LYST: variants seen among roughly 807,000 people sequenced by gnomAD.
LYST encodes lysosomal-trafficking regulator.
Under a neutral mutation model 413.6 loss-of-function variants are expected in LYST, and 192 were observed. The observed-to-expected ratio is 0.46, with a 90% CI of 0.41 to 0.52. The LOEUF (loss-of-function observed/expected upper bound fraction) is 0.52. LYST is among the 20% of genes least tolerant of loss of function. The pLI, the probability that LYST is intolerant of heterozygous loss-of-function variation, is 0.00. For missense variants in LYST, 3,815 were observed against 4,499.9 expected, an observed-to-expected ratio of 0.85 and a Z score of 4.35; for synonymous variants, 1,525 against 1,567.3, an observed-to-expected ratio of 0.97 and a Z score of 0.64.
chr1:235,844,239 A>G (rs1677535251), intron 1 of LYST, among the ~76,000 whole-genome samples: 1 of 147,650 alleles, frequency 6.8e-6, no homozygotes, highest in African/African-American at 2.6e-5. Context: ...TTTACAACAC[A>G]TCAGTAAAAA....
intron 7 of LYST, among the ~76,000 whole-genome samples, chr1:235,804,173 T>A (rs1672554342): frequency 6.6e-6 from 1 of 152,174 alleles, no homozygotes; most frequent in Non-Finnish European, 1.5e-5. Flanking sequence ...CATCCCTGAA[T>A]TAGCATTTAA....
In LYST at chr1:235,783,048, T is replaced by A. The variant is rs142174951; in HGVS notation, c.4863-961A>T. ...AAGCAGGGAGGACTTCATCAACTAG[T>A]GAAACCACAGAGCTCTACCCCTAAT... On this transcript the variant is annotated intron_variant, in intron 14 of 52. Transcript: ENST00000389793. Among the ~76,000 whole-genome samples, 1,132 of 152,030 alleles carry A rather than the reference T, an allele frequency of 7.4e-3. 11 individuals carry two copies. The highest frequency in any genetic ancestry group is 8.5e-3 in the Non-Finnish European group (575 of 67,972).
chr1:235,741,922 T>C (rs542585236), intron 30 of LYST, among the ~76,000 whole-genome samples: 18 of 152,332 alleles, frequency 1.2e-4, no homozygotes, highest in African/African-American at 4.3e-4. Context: ...GGAATATTAT[T>C]CATCCTTAAA....
At chr1:235,712,918 A>G (rs1662520565) in intron 42 of LYST, 7 of 985,378 alleles carry the variant, frequency 7.1e-6, no homozygotes, top group East Asian at 1.1e-4. Flanking sequence ...AGAATATTAA[A>G]TGATATCCAA....
chr1:235,831,250 C>T (rs1387662749), intron 2 of LYST, among the ~76,000 whole-genome samples: 1 of 152,188 alleles, frequency 6.6e-6, no homozygotes, highest in Admixed American at 6.5e-5. Flanking sequence ...CCCACAGTCC[C>T]TGCTGAGAGG....
chr1:235,867,289 C>A (rs930393759), upstream of LYST, among the ~76,000 whole-genome samples: 5 of 152,198 alleles, frequency 3.3e-5, no homozygotes, highest in Non-Finnish European at 5.9e-5. Context: ...AACACAAGCG[C>A]ATCGTCCGCC....
In LYST at chr1:235,791,846, A is replaced by G. The variant is rs1359011791; in HGVS notation, c.4396T>C (p.Trp1466Arg). 1.9e-6 allele frequency: 3 copies of G among 1,614,208 alleles called. No individual in the cohort carries two copies. Among genetic ancestry groups the G allele is most frequent in the Non-Finnish European group, 2.5e-6 (3 of 1,180,018 alleles). Residue 1466 changes from tryptophan to arginine, a missense_variant, in exon 12 of 53, where the codon TGG (tryptophan) becomes CGG (arginine). Physicochemically the swap from Trp to Arg is moderately radical, Grantham distance 101. Transcript: ENST00000389793. ...VHLPLLGQNCWPHLSEGFSVS... is the reference protein window; with the variant it reads ...VHLPLLGQNCRPHLSEGFSVS... ...CTGAAACCTTCTGATAGGTGTGGCC[A>G]GCAGTTTTGCCCCAGCAACGGCAGG...
chr1:235,801,514 T>C (rs1672225914), intron 8 of LYST, among the ~76,000 whole-genome samples: 1 of 152,136 alleles, frequency 6.6e-6, no homozygotes, highest in East Asian at 1.9e-4. Flanking sequence ...GAATGATCAA[T>C]TTTGCCTTCT....
chr1:235,666,694 C>G (rs1658517047), intron 50 of LYST, among the ~76,000 whole-genome samples: 1 of 151,690 alleles, frequency 6.6e-6, no homozygotes, highest in African/African-American at 2.4e-5. Flanking sequence ...CTAAATATAG[C>G]ATCAAGATGC....
At chr1:235,857,784 C>CACACACACATATAT (rs145820873) in intron 1 of LYST, among the ~76,000 whole-genome samples, 1 of 122,044 alleles carries the variant, frequency 8.2e-6, no homozygotes, top group African/African-American at 3.2e-5. Flanking sequence ...CACACACACA[C>CACACACACATATAT]ATATATATAT....
intron 31 of LYST, chr1:235,738,483 G>A: frequency 1.2e-6 from 2 of 1,612,248 alleles, no homozygotes; most frequent in Admixed American, 1.7e-5. Context: ...TATTGGAAGT[G>A]GTTGCAATCT....
chr1:235,756,023 ATC>A (rs1667013364), intron 24 of LYST, among the ~76,000 whole-genome samples: 1 of 117,874 alleles, frequency 8.5e-6, no homozygotes, highest in African/African-American at 3.1e-5. Flanking sequence ...CTATATCTAT[ATC>A]TATATCTATA....
intron 2 of LYST, among the ~76,000 whole-genome samples, chr1:235,830,849 C>T (rs957601170): frequency 2.0e-5 from 3 of 152,148 alleles, no homozygotes; most frequent in Admixed American, 2.0e-4. Context: ...ACTGACCCAT[C>T]CTCCCCAAAC....
chr1:235,781,540 G>A (rs1338435499), intron 15 of LYST, among the ~76,000 whole-genome samples: 2 of 150,938 alleles, frequency 1.3e-5, no homozygotes, highest in African/African-American at 4.9e-5. Flanking sequence ...ATTTGTATAA[G>A]ATATAATAAA....
At chr1:235,792,543 G>T (rs947338973) in intron 11 of LYST, among the ~76,000 whole-genome samples, 1 of 152,070 alleles carries the variant, frequency 6.6e-6, no homozygotes, top group African/African-American at 2.4e-5. Flanking sequence ...TTGCACTCCT[G>T]ACCTCAGGTG....
chr1:235,731,216 T>A (rs1411522816), intron 34 of LYST, 39 bp from the exon 35 acceptor site: 1 of 1,591,826 alleles, frequency 6.3e-7, no homozygotes, highest in Non-Finnish European at 8.6e-7. Context: ...TAAGTGACCA[T>A]CCAGGACTTG....
rs1218965499 is a variant in LYST, at chr1:235,785,399, C to T, written c.4862+1801G>A. ...GCAGGGAATGTGTCTATCTTGTTTA[C>T]CATTGTCCCCTAGGCCTAATTAATA... On this transcript the variant is annotated intron_variant, in intron 14 of 52. Coordinates refer to ENST00000389793, the MANE Select transcript of LYST (RefSeq NM_000081.4). Among the ~76,000 whole-genome samples, 3 of 152,176 alleles carry T rather than the reference C, an allele frequency of 2.0e-5. No homozygotes were observed. In the South Asian group the frequency reaches 6.2e-4, roughly 32 times the overall value.
intron 14 of LYST, 132 bp downstream of exon 14, chr1:235,787,068 C>CA: frequency 2.9e-6 from 2 of 692,282 alleles, no homozygotes; most frequent in East Asian, 2.8e-5. Flanking sequence ...AAAGAAACAA[C>CA]AAAAAATATA....
At chr1:235,767,650 T>C (rs1365227482) in intron 20 of LYST, among the ~76,000 whole-genome samples, 2 of 152,128 alleles carry the variant, frequency 1.3e-5, no homozygotes, top group Non-Finnish European at 2.9e-5. Flanking sequence ...ATTTTTTTAA[T>C]CCCTTAACTT....
Sources: gnomAD v4.1 joint callset for allele counts (sites outside exome capture counted in the v4.1 genomes callset) on GRCh38, gnomAD v4.1.1 for gene constraint, MANE v1.5 for transcripts, NCBI Gene and HGNC (gene_info 2026-07-23, HGNC 2026-07-21) for gene names.